C12orf76: variants seen among roughly 807,000 people sequenced by gnomAD.
C12orf76 encodes the protein chromosome 12 open reading frame 76.
In C12orf76, 6 loss-of-function variants were observed where a neutral mutation model predicts 6.8. The observed-to-expected ratio is 0.88, with a 90% confidence interval of 0.48 to 1.73. The LOEUF (loss-of-function observed/expected upper bound fraction) is 1.73. Among genes scored for constraint, C12orf76 ranks in the 40% most tolerant of loss-of-function variants. The pLI is 0.01. For synonymous variants in C12orf76, 56 were observed against 43.7 expected (o/e 1.28, Z -1.11); for missense variants, 99 against 98.2 (o/e 1.01, Z -0.03).
At chr12:110,068,319 GAAGAAGAAGA>G (rs1566080285), upstream of C12orf76, among the ~76,000 whole-genome samples, 64 of 142,280 alleles carry the variant, frequency 4.5e-4, 2 homozygotes, top group African/African-American at 1.6e-3. Flanking sequence ...AGAAGAAGAA[GAAGAAGAAGA>G]AGGCGGCCAA....
At chr12:110,052,995 G>A (rs887612907), upstream of C12orf76, among the ~76,000 whole-genome samples, 2 of 149,402 alleles carry the variant, frequency 1.3e-5, no homozygotes, top group Non-Finnish European at 1.5e-5. Context: ...AAGGTCAGGA[G>A]ATCAAGACCA....
chr12:110,072,034 T>C (rs1193193816), upstream of C12orf76, among the ~76,000 whole-genome samples: 2 of 152,112 alleles, frequency 1.3e-5, no homozygotes, highest in Non-Finnish European at 2.9e-5. Context: ...TTATTCATGA[T>C]AGCCAAAAAA....
exon 1 of C12orf76, chr12:110,067,533 C>T (rs954794635): frequency 1.0e-4 from 102 of 985,406 alleles, no homozygotes; most frequent in Non-Finnish European, 1.2e-4. Flanking sequence ...ACAGGATCTT[C>T]CTTCCTAAGG....
At position 110,048,447 on chromosome 12, in the gene C12orf76, G is replaced by A; in HGVS notation, c.49C>T (p.Leu17=). The A allele has an allele frequency of 4.0e-6, 6 of 1,506,490 alleles. No homozygotes were observed. Among genetic ancestry groups the A allele is most frequent in the Non-Finnish European group, 5.3e-6 (6 of 1,132,550 alleles). The allele number at this position is 1,506,490 out of a possible 1,614,324, so 93.3% of individuals were successfully genotyped here. The change falls in exon 1 of 2, where the codon CTG becomes TTG. Residue 17 remains leucine, a synonymous_variant. Coordinates refer to ENST00000615315, the MANE Select transcript of C12orf76 (RefSeq NM_001389625.1). ...CTCGGGGCCTCTGCCTCCCCCACCA[G>A]GAGGCTGCAGAGGCCAAGGTACAGC... is the stretch of plus-strand genomic sequence containing the variant. The part of the protein sequence containing the change: ...PWLYLGLCSL[L]VGEAEAPSPV...
At chr12:110,048,985 C>T (rs927327712), upstream of C12orf76, 1 of 152,642 alleles carries the variant, frequency 6.6e-6, no homozygotes. Flanking sequence ...TACATTCTCC[C>T]TACCTTCGTT....
chr12:110,068,241 AAGAAGAAAGAAG>A (rs1892900412), upstream of C12orf76, among the ~76,000 whole-genome samples: 1 of 139,016 alleles, frequency 7.2e-6, no homozygotes, highest in Non-Finnish European at 1.5e-5. Context: ...AGAGAAGAAG[AAGAAGAAAGAAG>A]AAGAAGAAGA....
intron 1 of C12orf76, chr12:110,067,390 C>G: frequency 1.0e-6 from 1 of 985,056 alleles, no homozygotes; most frequent in Non-Finnish European, 1.2e-6. Context: ...GTCTCCACAG[C>G]CCAGACAAGC....
exon 3 of C12orf76, chr12:110,059,070 T>A: frequency 6.4e-7 from 1 of 1,551,710 alleles, no homozygotes; most frequent in Non-Finnish European, 8.7e-7. Context: ...CAGCGCCAGC[T>A]CTGAACGCAG....
chr12:110,053,021 C>A (rs182060755), upstream of C12orf76, among the ~76,000 whole-genome samples: 3 of 149,664 alleles, frequency 2.0e-5, no homozygotes, highest in African/African-American at 2.5e-5. Context: ...GCCAACATGG[C>A]GAAACCCTGT....
intron 2 of C12orf76, among the ~76,000 whole-genome samples, chr12:110,063,911 C>T (rs1236277943): frequency 6.6e-6 from 1 of 151,998 alleles, no homozygotes; most frequent in Non-Finnish European, 1.5e-5. Context: ...TGTCTCAAAA[C>T]AAACAAACAA....
upstream of C12orf76, among the ~76,000 whole-genome samples, chr12:110,071,943 A>G (rs1669455539): frequency 6.6e-6 from 1 of 152,224 alleles, no homozygotes; most frequent in Non-Finnish European, 1.5e-5. Flanking sequence ...ATGACCCAGC[A>G]ATTCCACTCT....
At position 110,066,177 on chromosome 12, in the gene C12orf76, G is replaced by T. The variant is rs1892855747; in HGVS notation, n.207-144C>A. The T allele has an allele frequency of 1.7e-5, 21 of 1,203,432 alleles. No individual in the cohort carries two copies. In the South Asian group the frequency reaches 3.1e-4, roughly 17 times the overall value. The allele number at this position is 1,203,432 out of a possible 1,614,324, so 74.5% of individuals were successfully genotyped here. ...ACTTGAGGCCAGGAGTTCAAGACCA[G>T]CCTGGCCAACATGGCGAAGCCCTAT... On this transcript the variant is annotated intron_variant and non_coding_transcript_variant, in intron 1 of 4. Coordinates refer to the C12orf76 transcript ENST00000309050.
Position 110,062,953 on chromosome 12 carries a change from AT to A in C12orf76, n.380+2906del, listed in dbSNP as rs200467800. 3.8e-3 allele frequency among the ~76,000 whole-genome samples: 550 copies of A among 146,324 alleles called. 3 individuals are homozygous for A. Among genetic ancestry groups the A allele is most frequent in the African/African-American group, 0.013 (505 of 39,854 alleles). On this transcript the variant is annotated intron_variant and non_coding_transcript_variant, in intron 2 of 4. Coordinates refer to the C12orf76 transcript ENST00000309050. The stretch of plus-strand genomic sequence containing the variant: ...CCCCTGCAGCGGGCTGAATAAAGAG[AT>A]TTTTTTTTTAGAGTCTCGCTTGGCT...
chr12:110,051,571 C>T (rs757324222), upstream of C12orf76, among the ~76,000 whole-genome samples: 15 of 151,996 alleles, frequency 9.9e-5, no homozygotes, highest in South Asian at 2.1e-4. Flanking sequence ...GGATTACAGG[C>T]GCACGCCACC....
At chr12:110,052,880 G>A (rs1170776074), upstream of C12orf76, among the ~76,000 whole-genome samples, 1 of 152,144 alleles carries the variant, frequency 6.6e-6, no homozygotes, top group Non-Finnish European at 1.5e-5. Context: ...TCGTGAGTCT[G>A]GGGAGTTATC....
intron 3 of C12orf76, chr12:110,057,302 G>T (rs370129423): frequency 5.6e-6 from 9 of 1,597,292 alleles, no homozygotes; most frequent in African/African-American, 2.7e-5. Context: ...AGCTCCTAAG[G>T]TTCCAGAGCA....
At chr12:110,066,395 A>C (rs573589752) in intron 1 of C12orf76, among the ~76,000 whole-genome samples, 1,609 of 140,002 alleles carry the variant, frequency 0.011, 28 homozygotes, top group South Asian at 0.031. Context: ...AAAAAAAAAA[A>C]AAAAAAAAAC....
chr12:110,066,775 G>A (rs1336552737), intron 1 of C12orf76, among the ~76,000 whole-genome samples: 1 of 152,154 alleles, frequency 6.6e-6, no homozygotes, highest in Non-Finnish European at 1.5e-5. Context: ...CCCGACCTCC[G>A]TGCTGGGCTC....
At chr12:110,068,578 C>T (rs933989322), upstream of C12orf76, among the ~76,000 whole-genome samples, 4 of 152,206 alleles carry the variant, frequency 2.6e-5, no homozygotes, top group African/African-American at 4.8e-5. Flanking sequence ...AAACCTGCAA[C>T]GCTAACTCCT....
Sources: allele counts gnomAD v4.1 joint callset (sites outside exome capture counted in the v4.1 genomes callset), GRCh38; gene constraint gnomAD v4.1.1; transcripts MANE v1.5; gene names NCBI Gene and HGNC (gene_info 2026-07-23, HGNC 2026-07-21).